Variants in SND1 observed in about 807,000 individuals in gnomAD.
SND1 encodes the protein staphylococcal nuclease domain-containing protein 1.
SND1 carries 38 observed loss-of-function variants against 121.7 expected under a neutral mutation model. That is an observed-to-expected ratio of 0.31 (90% CI 0.24 to 0.41). The LOEUF (loss-of-function observed/expected upper bound fraction) is 0.41, where lower values mean the gene tolerates loss of function less well. SND1 is among the 10% of genes least tolerant of loss of function. The pLI is 1.00. For missense variants in SND1, 868 were observed against 1,184.6 expected (o/e 0.73, Z 3.92); for synonymous variants, 401 against 447.4 (o/e 0.90, Z 1.31).
At chr7:127,928,598 T>C (rs753964359) in intron 14 of SND1, among the ~76,000 whole-genome samples, 1 of 151,976 alleles carries the variant, frequency 6.6e-6, no homozygotes, top group Admixed American at 6.6e-5. Context: ...CTTTCTTTCT[T>C]TTTTTTGAGA....
At chr7:127,702,191 C>T (rs1325537248) in intron 5 of SND1, among the ~76,000 whole-genome samples, 1 of 152,134 alleles carries the variant, frequency 6.6e-6, no homozygotes, top group African/African-American at 2.4e-5. Context: ...TCAGTGTGAG[C>T]CATGAGGTCC....
chr7:127,826,017 C>G (rs1439703628), intron 11 of SND1, among the ~76,000 whole-genome samples: 1 of 152,006 alleles, frequency 6.6e-6, no homozygotes, highest in Non-Finnish European at 1.5e-5. Context: ...TGGCGAAACC[C>G]CCATCTCTAC....
At chr7:127,881,498 T>C (rs1033552139) in intron 12 of SND1, among the ~76,000 whole-genome samples, 61 of 152,146 alleles carry the variant, frequency 4.0e-4, no homozygotes, top group African/African-American at 1.5e-3. Flanking sequence ...GCTCTACTTA[T>C]GGGCACCAAA....
In SND1 at chr7:127,847,750, G is replaced by GC. The variant is rs1467720299; in HGVS notation, c.1343+3327dup. 2.6e-5 allele frequency among the ~76,000 whole-genome samples: 4 copies of GC among 152,328 alleles called. No individual in the cohort carries two copies. The East Asian group carries it at 7.7e-4, about 29-fold the overall frequency. ...GAGCAACGGGCTCACTGCCCGAAGT[G>GC]CGTAGATGCCAATAATATGGCACTG... On this transcript the variant is annotated intron_variant, in intron 12 of 23. Coordinates refer to ENST00000354725, the MANE Select transcript of SND1 (RefSeq NM_014390.4).
chr7:127,856,101 A>G (rs1434169771), intron 12 of SND1, among the ~76,000 whole-genome samples: 1 of 152,214 alleles, frequency 6.6e-6, no homozygotes. Flanking sequence ...TTAAGACAGT[A>G]ATGATTGATA....
intron 11 of SND1, among the ~76,000 whole-genome samples, chr7:127,830,810 G>T (rs1798724964): frequency 6.6e-6 from 1 of 152,204 alleles, no homozygotes; most frequent in South Asian, 2.1e-4. Flanking sequence ...CCTCTGTTCA[G>T]AAACTAGCTC....
At chr7:127,790,194 G>A (rs1300863522) in intron 10 of SND1, among the ~76,000 whole-genome samples, 2 of 152,248 alleles carry the variant, frequency 1.3e-5, no homozygotes, top group East Asian at 1.9e-4. Context: ...GTTTGGAGCC[G>A]CCCAGCATCC....
chr7:127,922,175 CTTTT>C (rs1158535023), intron 14 of SND1, among the ~76,000 whole-genome samples: 62 of 57,188 alleles, frequency 1.1e-3, no homozygotes, highest in East Asian at 2.2e-3. Context: ...TTTTTCTTTC[CTTTT>C]TTTTTTTTTT....
intron 16 of SND1, among the ~76,000 whole-genome samples, chr7:128,057,033 T>A (rs960566016): frequency 6.6e-6 from 1 of 152,138 alleles, no homozygotes; most frequent in Non-Finnish European, 1.5e-5. Context: ...GACTGAGGGA[T>A]GATTCATGTC....
rs201745504 is a variant in SND1 at position 128,089,575 on chromosome 7, C to A, written c.2505C>A (p.Ala835=). The part of the protein sequence containing the change: ...QCLLNVEHLS[A]GCPHVTLQFA... ...TGCTCAACGTGGAACACCTGAGTGCCGGCTGCCCCCATGTCACCCTGCAGT... is the reference window on the plus strand; with the variant it reads ...TGCTCAACGTGGAACACCTGAGTGCAGGCTGCCCCCATGTCACCCTGCAGT... Residue 835 remains alanine (A), a synonymous_variant, in exon 22 of 24, where the codon GCC becomes GCA. Coordinates refer to ENST00000354725, the MANE Select transcript of SND1 (RefSeq NM_014390.4). 1 of 1,614,074 alleles carries A rather than the reference C, an allele frequency of 6.2e-7. No individual in the cohort carries two copies. The highest frequency in any genetic ancestry group is 1.7e-5 in the Admixed American group (1 of 60,006).
At chr7:127,847,119 A>G (rs1247349696) in intron 12 of SND1, among the ~76,000 whole-genome samples, 1 of 152,128 alleles carries the variant, frequency 6.6e-6, no homozygotes, top group Non-Finnish European at 1.5e-5. Context: ...AATACAAAAA[A>G]AAATTAGCTG....
In SND1 at chr7:127,704,820, CAT is replaced by C; in HGVS notation, c.841-18_841-17del. On this transcript the variant is annotated splice_polypyrimidine_tract_variant and intron_variant, in intron 7 of 23. Coordinates refer to ENST00000354725, the MANE Select transcript of SND1 (RefSeq NM_014390.4). ...CAGAGTCTAATCCGTGCCTGCCTCT[CAT>C]GTACCTTGTTTTTCAGAATGGCAAC... 6.3e-7 allele frequency: 1 copy of C among 1,599,524 alleles called. No individual in the cohort carries two copies. Among genetic ancestry groups the C allele is most frequent in the Non-Finnish European group, 8.6e-7 (1 of 1,166,906 alleles).
chr7:127,906,523 A>G (rs1014550677), intron 14 of SND1, among the ~76,000 whole-genome samples: 3 of 152,236 alleles, frequency 2.0e-5, no homozygotes, highest in Non-Finnish European at 4.4e-5. Context: ...GAAAAAAGTT[A>G]TAAGTGCTTT....
At chr7:127,746,784 T>C (rs1320443203) in intron 10 of SND1, among the ~76,000 whole-genome samples, 1 of 152,174 alleles carries the variant, frequency 6.6e-6, no homozygotes, top group Non-Finnish European at 1.5e-5. Context: ...TATACCTGGC[T>C]TATGTGATGC....
Position 127,895,347 on chromosome 7 carries a change from G to A in SND1, c.1454+7335G>A, listed in dbSNP as rs143740823. ...TTTTAGCTCAAGCATCATAGGAAGC[G>A]GTAGTTCGGTGCCTTACGACTGCCC... On this transcript the variant is annotated intron_variant, in intron 13 of 23. Transcript: ENST00000354725. Among the ~76,000 whole-genome samples the A allele has an allele frequency of 1.5e-3, 231 of 152,172 alleles. 2 individuals are homozygous for A. The highest frequency in any genetic ancestry group is 4.6e-3 in the Admixed American group (70 of 15,266).
At chr7:127,997,530 C>A in intron 16 of SND1, 1 of 344,736 alleles carries the variant, frequency 2.9e-6, no homozygotes, top group Non-Finnish European at 5.8e-6. Flanking sequence ...GTGGGCCTTA[C>A]TTTTCCCATT....
At chr7:127,799,211 A>G (rs1253206250) in intron 10 of SND1, among the ~76,000 whole-genome samples, 2 of 152,146 alleles carry the variant, frequency 1.3e-5, no homozygotes, top group Non-Finnish European at 2.9e-5. Flanking sequence ...TGGCAGTAAA[A>G]AACCAAGAGC....
intron 12 of SND1, among the ~76,000 whole-genome samples, chr7:127,854,176 G>A (rs1001390830): frequency 5.3e-5 from 8 of 152,190 alleles, no homozygotes; most frequent in African/African-American, 1.9e-4. Flanking sequence ...CCAGGCTGGA[G>A]TGCAGGGGTG....
intron 15 of SND1, among the ~76,000 whole-genome samples, chr7:127,941,904 TTTTTTTTTAAATTTTCCAAG>T: frequency 6.9e-6 from 1 of 145,688 alleles, no homozygotes; most frequent in Middle Eastern, 3.4e-3. Context: ...TTTTTTTTTT[TTTTTTTTTAAATTTTCCAAG>T]TTTAGACCTA....
Sources: allele counts gnomAD v4.1 joint callset (sites outside exome capture counted in the v4.1 genomes callset), GRCh38; gene constraint gnomAD v4.1.1; transcripts MANE v1.5; gene names NCBI Gene and HGNC (gene_info 2026-07-23, HGNC 2026-07-21).